LY86: variants seen among roughly 807,000 people sequenced by gnomAD.
LY86 encodes the protein lymphocyte antigen 86, also known as MD-1, RP105-associated.
LY86 carries 20 observed loss-of-function variants against 17.3 expected under a neutral mutation model. The observed-to-expected ratio is 1.15, with a 90% CI of 0.81 to 1.68. The LOEUF (loss-of-function observed/expected upper bound fraction) is 1.68, where lower values mean the gene tolerates loss of function less well. LY86 is among the 40% of genes most tolerant of loss of function. LY86 has a pLI of 0.00. For synonymous variants in LY86, 74 were observed against 70.6 expected (o/e 1.05, Z -0.24); for missense variants, 200 against 191.9 (o/e 1.04, Z -0.25).
At chr6:6,601,902 C>G (rs768499904) in intron 1 of LY86, among the ~76,000 whole-genome samples, 2 of 152,238 alleles carry the variant, frequency 1.3e-5, no homozygotes, top group South Asian at 2.1e-4. Context: ...AGAGGTGCAG[C>G]CTCCTAATTT....
chr6:6,611,972 G>A (rs1174532313), intron 1 of LY86, among the ~76,000 whole-genome samples: 1 of 111,034 alleles, frequency 9.0e-6, no homozygotes, highest in South Asian at 3.2e-4. Context: ...TACTTGAAAG[G>A]ATATCTACCC....
At chr6:6,630,650 C>G (rs752521484) in intron 3 of LY86, among the ~76,000 whole-genome samples, 1 of 152,174 alleles carries the variant, frequency 6.6e-6, no homozygotes, top group African/African-American at 2.4e-5. Context: ...ACAACAATGC[C>G]GATAGAACCC....
chr6:6,645,944 T>C (rs1304201653), intron 3 of LY86, among the ~76,000 whole-genome samples: 1 of 151,930 alleles, frequency 6.6e-6, no homozygotes, highest in African/African-American at 2.4e-5. Flanking sequence ...CCAGAACAGA[T>C]TGGGAAGGGG....
At chr6:6,623,133 A>C (rs1376449909) in intron 1 of LY86, among the ~76,000 whole-genome samples, 1 of 152,244 alleles carries the variant, frequency 6.6e-6, no homozygotes, top group Non-Finnish European at 1.5e-5. Flanking sequence ...TTTAACAGAG[A>C]GAATTTGATA....
At chr6:6,603,281 T>TG (rs1760971252) in intron 1 of LY86, among the ~76,000 whole-genome samples, 1 of 152,078 alleles carries the variant, frequency 6.6e-6, no homozygotes, top group Admixed American at 6.6e-5. Context: ...CAAAGCACCC[T>TG]GCAGTGTCCT....
intron 1 of LY86, among the ~76,000 whole-genome samples, chr6:6,610,892 G>C (rs2113114159): frequency 6.6e-6 from 1 of 152,278 alleles, no homozygotes; most frequent in East Asian, 1.9e-4. Flanking sequence ...AACTCTTTCT[G>C]ACCCCAGCAG....
At chr6:6,625,075 C>T in intron 2 of LY86, 63 bp downstream of exon 2, 1 of 712,588 alleles carries the variant, frequency 1.4e-6, no homozygotes, top group Non-Finnish European at 2.4e-6. Flanking sequence ...ACTCCACACA[C>T]CCAATGACTT....
chr6:6,601,576 C>T (rs751856095), intron 1 of LY86, among the ~76,000 whole-genome samples: 3 of 152,070 alleles, frequency 2.0e-5, no homozygotes, highest in Non-Finnish European at 4.4e-5. Flanking sequence ...AGAAATTAGC[C>T]AGGCGCAGTG....
intron 1 of LY86, among the ~76,000 whole-genome samples, chr6:6,605,760 T>A (rs935437670): frequency 1.3e-5 from 2 of 152,240 alleles, no homozygotes; most frequent in Admixed American, 6.5e-5. Context: ...CCAGAACTTA[T>A]TCTTTCTGAT....
At chr6:6,623,093 T>C (rs1450373861) in intron 1 of LY86, among the ~76,000 whole-genome samples, 1 of 152,248 alleles carries the variant, frequency 6.6e-6, no homozygotes, top group African/African-American at 2.4e-5. Context: ...GTCTGGGTGC[T>C]GTCAGGAAAA....
At chr6:6,591,581 T>C (rs925608947) in intron 1 of LY86, 1 of 153,590 alleles carries the variant, frequency 6.5e-6, no homozygotes, top group African/African-American at 2.4e-5. Flanking sequence ...GCTAAGTACT[T>C]TACATGCATC....
intron 1 of LY86, among the ~76,000 whole-genome samples, chr6:6,600,970 CTAAAT>C (rs1182103700): frequency 2.0e-5 from 3 of 152,158 alleles, no homozygotes. Flanking sequence ...TCAGTTTTGA[CTAAAT>C]TAAAGGGCAA....
intron 1 of LY86, among the ~76,000 whole-genome samples, chr6:6,613,677 G>A (rs1340497375): frequency 6.6e-6 from 1 of 152,250 alleles, no homozygotes; most frequent in Non-Finnish European, 1.5e-5. Flanking sequence ...GCCTTGGCCA[G>A]CCCAGAAAGG....
intron 3 of LY86, among the ~76,000 whole-genome samples, chr6:6,629,512 T>C (rs1479158362): frequency 6.6e-6 from 1 of 152,248 alleles, no homozygotes; most frequent in African/African-American, 2.4e-5. Flanking sequence ...GGCTTGCAGG[T>C]CCTTCTTAGC....
chr6:6,610,837 A>T (rs1448386795), intron 1 of LY86, among the ~76,000 whole-genome samples: 1 of 152,190 alleles, frequency 6.6e-6, no homozygotes, highest in African/African-American at 2.4e-5. Context: ...GAAGGTGAGC[A>T]TGTCTGAGCT....
At chr6:6,603,057 C>A (rs1411704112) in intron 1 of LY86, among the ~76,000 whole-genome samples, 1 of 152,124 alleles carries the variant, frequency 6.6e-6, no homozygotes, top group Non-Finnish European at 1.5e-5. Context: ...GGAGCGCTCA[C>A]TCTCTGCTTT....
chr6:6,636,084 C>T (rs373565559), intron 3 of LY86, among the ~76,000 whole-genome samples: 19 of 152,176 alleles, frequency 1.2e-4, no homozygotes, highest in Admixed American at 9.8e-4. Context: ...TTTCCAGTTT[C>T]GTACATCAGG....
At chr6:6,592,558 A>T (rs1356906338) in intron 1 of LY86, among the ~76,000 whole-genome samples, 1 of 152,236 alleles carries the variant, frequency 6.6e-6, no homozygotes, top group Non-Finnish European at 1.5e-5. Flanking sequence ...CTATGGACTG[A>T]ATGTTTGTGT....
chr6:6,629,964 CAAAG>C (rs2113145460), intron 3 of LY86, among the ~76,000 whole-genome samples: 1 of 152,266 alleles, frequency 6.6e-6, no homozygotes, highest in East Asian at 1.9e-4. Flanking sequence ...TATTATGTGA[CAAAG>C]AAGCATGCTA....
Sources: gnomAD v4.1 joint callset for allele counts (sites outside exome capture counted in the v4.1 genomes callset) on GRCh38, gnomAD v4.1.1 for gene constraint, MANE v1.5 for transcripts, NCBI Gene and HGNC (gene_info 2026-07-23, HGNC 2026-07-21) for gene names.